The following PID1 variants were observed in gnomAD, a reference collection of about 807,000 sequenced individuals.
PID1 encodes the protein PTB-containing, cubilin and LRP1-interacting protein.
In PID1, 10 loss-of-function variants were observed where a neutral mutation model predicts 19.1. The ratio of observed to expected loss-of-function variants is 0.52; its 90% CI spans 0.32 to 0.89. The LOEUF is 0.89. Among genes scored for constraint, PID1 ranks in the 40% least tolerant of loss-of-function variants. The probability of loss-of-function intolerance (pLI) is 0.03; values close to 1 mark genes in which losing one functional copy is unlikely to be tolerated. For missense variants in PID1, 248 were observed against 285.3 expected (o/e 0.87, Z 0.94); for synonymous variants, 130 against 116.0 (o/e 1.12, Z -0.78).
chr2:229,055,080 T>A (rs949852811), intron 2 of PID1, among the ~76,000 whole-genome samples: 1 of 152,158 alleles, frequency 6.6e-6, no homozygotes, highest in Non-Finnish European at 1.5e-5. Flanking sequence ...GGTGACTGAC[T>A]AGGTACTCTG....
intron 1 of PID1, among the ~76,000 whole-genome samples, chr2:229,247,652 T>C (rs1199552295): frequency 6.6e-6 from 1 of 152,136 alleles, no homozygotes. Flanking sequence ...CCAAAAGATA[T>C]TTAGAAACTA....
intron 2 of PID1, among the ~76,000 whole-genome samples, chr2:229,062,190 TCTTTTCA>T (rs1694226178): frequency 6.6e-6 from 1 of 152,028 alleles, no homozygotes; most frequent in Admixed American, 6.6e-5. Context: ...AAAGGTTTCA[TCTTTTCA>T]CTGTGGGGTA....
chr2:229,109,793 TA>T (rs1169353346), intron 2 of PID1, among the ~76,000 whole-genome samples: 1 of 152,206 alleles, frequency 6.6e-6, no homozygotes, highest in African/African-American at 2.4e-5. Context: ...GTCTGGAGAA[TA>T]AATAGCAGCT....
chr2:229,077,555 T>C (rs888359096), intron 2 of PID1, among the ~76,000 whole-genome samples: 6 of 152,190 alleles, frequency 3.9e-5, no homozygotes, highest in African/African-American at 1.4e-4. Context: ...TTGAGCTAAT[T>C]TTTGTATAAG....
intron 2 of PID1, among the ~76,000 whole-genome samples, chr2:229,070,770 G>A (rs956518009): frequency 6.6e-6 from 1 of 152,172 alleles, no homozygotes; most frequent in Non-Finnish European, 1.5e-5. Flanking sequence ...ACTGATTAGA[G>A]GGTGGGATGA....
chr2:229,138,695 C>T (rs904459388), intron 2 of PID1, among the ~76,000 whole-genome samples: 1 of 151,932 alleles, frequency 6.6e-6, no homozygotes, highest in Admixed American at 6.6e-5. Context: ...ATAGTTTGAG[C>T]AAACAGACCC....
At chr2:229,121,735 CAATA>C (rs879429460) in intron 2 of PID1, among the ~76,000 whole-genome samples, 12 of 152,072 alleles carry the variant, frequency 7.9e-5, no homozygotes, top group Admixed American at 5.9e-4. Context: ...TTTATTCATT[CAATA>C]AATATTTATT....
At chr2:229,201,494 G>A (rs1008067245) in intron 1 of PID1, among the ~76,000 whole-genome samples, 2 of 152,004 alleles carry the variant, frequency 1.3e-5, no homozygotes, top group African/African-American at 4.8e-5. Flanking sequence ...CCACTGTATG[G>A]ATTTACCACA....
chr2:229,091,076 T>C (rs1271719888), intron 2 of PID1, among the ~76,000 whole-genome samples: 1 of 152,218 alleles, frequency 6.6e-6, no homozygotes, highest in Non-Finnish European at 1.5e-5. Context: ...TTAAACTTTA[T>C]CTATAAGTAA....
At chr2:229,115,823 A>G (rs1695399159) in intron 2 of PID1, among the ~76,000 whole-genome samples, 1 of 152,184 alleles carries the variant, frequency 6.6e-6, no homozygotes, top group Non-Finnish European at 1.5e-5. Context: ...AAGTTACTAC[A>G]TTGGTTTTCT....
intron 2 of PID1, among the ~76,000 whole-genome samples, chr2:229,090,770 C>T (rs1415459797): frequency 2.6e-5 from 4 of 152,184 alleles, no homozygotes; most frequent in Non-Finnish European, 5.9e-5. Flanking sequence ...TTCATTCATT[C>T]ACGCATGCAT....
intron 2 of PID1, among the ~76,000 whole-genome samples, chr2:229,079,530 T>C (rs1694629448): frequency 6.6e-6 from 1 of 152,238 alleles, no homozygotes; most frequent in South Asian, 2.1e-4. Flanking sequence ...TTTTGGTTTC[T>C]ACAATTTGTT....
At chr2:229,045,638 T>C (rs1161048419) in intron 2 of PID1, among the ~76,000 whole-genome samples, 3 of 152,248 alleles carry the variant, frequency 2.0e-5, no homozygotes, top group African/African-American at 7.2e-5. Context: ...CAGTGAGCAG[T>C]GCCTTGCATG....
chr2:229,206,773 T>G (rs1178562540), intron 1 of PID1, among the ~76,000 whole-genome samples: 3 of 152,230 alleles, frequency 2.0e-5, no homozygotes, highest in African/African-American at 4.8e-5. Flanking sequence ...ATATTTGCAT[T>G]GGCAGGGACA....
At chr2:229,172,584 T>C (rs1319973573) in intron 1 of PID1, among the ~76,000 whole-genome samples, 2 of 152,182 alleles carry the variant, frequency 1.3e-5, no homozygotes, top group African/African-American at 4.8e-5. Flanking sequence ...TTTCCTTTTT[T>C]CTAAGGACAG....
chr2:229,258,728 G>A (rs1173222371), intron 1 of PID1, among the ~76,000 whole-genome samples: 1 of 151,928 alleles, frequency 6.6e-6, no homozygotes, highest in African/African-American at 2.4e-5. Context: ...CCTACGTAGT[G>A]GCGGGCGCCT....
intron 1 of PID1, among the ~76,000 whole-genome samples, chr2:229,160,429 T>C (rs141337902): frequency 5.2e-4 from 79 of 152,004 alleles, no homozygotes; most frequent in African/African-American, 1.6e-3. Flanking sequence ...TTCAACACAA[T>C]ATATTGTGCA....
At chr2:229,187,636 TG>T (rs1337052202) in intron 1 of PID1, among the ~76,000 whole-genome samples, 1 of 152,202 alleles carries the variant, frequency 6.6e-6, no homozygotes. Context: ...GAGATTTGGA[TG>T]GGGACACGGC....
intron 1 of PID1, among the ~76,000 whole-genome samples, chr2:229,182,946 C>T (rs1690978162): frequency 6.6e-6 from 1 of 152,200 alleles, no homozygotes. Context: ...CTTCCCCATT[C>T]TCATTCTCAG....
Sources: allele counts gnomAD v4.1 joint callset (sites outside exome capture counted in the v4.1 genomes callset), GRCh38; gene constraint gnomAD v4.1.1; transcripts MANE v1.5; gene names NCBI Gene and HGNC (gene_info 2026-07-23, HGNC 2026-07-21).